INVS: variants seen among roughly 807,000 people sequenced by gnomAD.
The protein encoded by INVS is inversion of embryo turning homolog.
A neutral mutation model predicts 108.8 loss-of-function variants in INVS; 86 were observed. That is an observed-to-expected ratio of 0.79 (90% CI 0.66 to 0.95). The LOEUF is 0.95. INVS is among the 40% of genes least tolerant of loss of function. The probability of loss-of-function intolerance (pLI) is 0.00; values close to 1 mark genes in which losing one functional copy is unlikely to be tolerated. For missense variants in INVS, 1,169 were observed against 1,297.4 expected, an observed-to-expected ratio of 0.90 and a Z score of 1.52; for synonymous variants, 455 against 473.5, an observed-to-expected ratio of 0.96 and a Z score of 0.51.
intron 3 of INVS, among the ~76,000 whole-genome samples, chr9:100,182,729 C>T (rs1397301237): frequency 1.3e-5 from 2 of 152,122 alleles, no homozygotes; most frequent in Non-Finnish European, 2.9e-5. Flanking sequence ...GGCGATTCCT[C>T]AAGGATCTAG....
At chr9:100,133,764 TACACACACACACACACAC>T (rs147744972) in intron 3 of INVS, among the ~76,000 whole-genome samples, 40 of 123,920 alleles carry the variant, frequency 3.2e-4, no homozygotes, top group African/African-American at 1.1e-3. Flanking sequence ...CTGCCAAAGC[TACACACACACACACACAC>T]ACACACACAC....
chr9:100,228,139 C>T (rs1057264114), intron 4 of INVS, among the ~76,000 whole-genome samples: 17 of 151,924 alleles, frequency 1.1e-4, no homozygotes, highest in East Asian at 3.9e-4. Flanking sequence ...TACAGGCATG[C>T]GCCACCAGGC....
intron 3 of INVS, among the ~76,000 whole-genome samples, chr9:100,154,978 C>CA (rs202090229): frequency 0.014 from 2,076 of 152,138 alleles, 36 homozygotes; most frequent in African/African-American, 0.048. Flanking sequence ...TTTGGGAGGT[C>CA]AAGGTGGGCG....
intron 11 of INVS, among the ~76,000 whole-genome samples, chr9:100,269,831 A>T (rs904237874): frequency 1.2e-4 from 18 of 152,110 alleles, no homozygotes; most frequent in Non-Finnish European, 2.5e-4. Flanking sequence ...TCCTATGGAG[A>T]TAATATTTTT....
chr9:100,295,378 G>A (rs997650655), intron 14 of INVS, among the ~76,000 whole-genome samples: 2 of 152,132 alleles, frequency 1.3e-5, no homozygotes, highest in East Asian at 3.9e-4. Context: ...AGGACTTCTG[G>A]GATTGTTGCA....
chr9:100,200,185 T>G (rs943326620), intron 3 of INVS, among the ~76,000 whole-genome samples: 3 of 152,234 alleles, frequency 2.0e-5, no homozygotes, highest in Admixed American at 2.0e-4. Flanking sequence ...CTCATTTGTT[T>G]GGTAATTATG....
intron 14 of INVS, among the ~76,000 whole-genome samples, chr9:100,294,425 G>A (rs1482769217): frequency 1.3e-5 from 2 of 152,182 alleles, no homozygotes; most frequent in Admixed American, 6.5e-5. Flanking sequence ...TCTGGTTTGT[G>A]CTTGCACAGG....
chr9:100,289,630 G>A (rs1417120562), intron 13 of INVS, among the ~76,000 whole-genome samples: 1 of 152,214 alleles, frequency 6.6e-6, no homozygotes, highest in African/African-American at 2.4e-5. Flanking sequence ...GGTGGTGGCT[G>A]TTGGCTGTCT....
At chr9:100,199,194 C>T (rs867373580) in intron 3 of INVS, among the ~76,000 whole-genome samples, 1 of 152,008 alleles carries the variant, frequency 6.6e-6, no homozygotes, top group South Asian at 2.1e-4. Flanking sequence ...GTAGCCACTC[C>T]AACTTTCTTA....
intron 3 of INVS, among the ~76,000 whole-genome samples, chr9:100,146,032 T>A (rs1445287387): frequency 1.3e-5 from 2 of 152,182 alleles, no homozygotes; most frequent in East Asian, 3.9e-4. Context: ...CGTAGGTGGA[T>A]CTTTTTCACG....
intron 3 of INVS, among the ~76,000 whole-genome samples, chr9:100,148,460 G>A (rs1828699646): frequency 1.3e-5 from 2 of 152,166 alleles, no homozygotes; most frequent in Non-Finnish European, 2.9e-5. Flanking sequence ...ACTGGGAAAT[G>A]GCAGAAAATT....
chr9:100,226,976 G>A (rs1464670902), intron 4 of INVS, among the ~76,000 whole-genome samples: 2 of 152,310 alleles, frequency 1.3e-5, no homozygotes, highest in Middle Eastern at 3.4e-3. Flanking sequence ...TTTGGTATCA[G>A]CCTTCCTGGG....
intron 11 of INVS, among the ~76,000 whole-genome samples, chr9:100,272,014 A>G (rs1019698171): frequency 2.6e-5 from 4 of 151,926 alleles, no homozygotes; most frequent in African/African-American, 9.7e-5. Context: ...GACTACAGGT[A>G]TGTGCCACCA....
At chr9:100,199,312 CTTTT>C (rs928724771) in intron 3 of INVS, among the ~76,000 whole-genome samples, 2 of 152,014 alleles carry the variant, frequency 1.3e-5, no homozygotes, top group African/African-American at 4.8e-5. Flanking sequence ...TATAGACTTT[CTTTT>C]TTATCTAGTC....
intron 2 of INVS, among the ~76,000 whole-genome samples, chr9:100,111,842 G>A (rs1402156158): frequency 3.3e-5 from 5 of 152,156 alleles, no homozygotes; most frequent in African/African-American, 1.2e-4. Context: ...TCAGTTACTG[G>A]CCAGGAAGCC....
At chr9:100,099,901 C>A (rs1826765554) in intron 1 of INVS, among the ~76,000 whole-genome samples, 1 of 152,164 alleles carries the variant, frequency 6.6e-6, no homozygotes, top group Non-Finnish European at 1.5e-5. Context: ...GTGGTTCTCC[C>A]TGCTCCCGCC....
At chr9:100,251,150 ATTGTTTTGTTT>A (rs1227123756) in intron 8 of INVS, among the ~76,000 whole-genome samples, 5 of 152,150 alleles carry the variant, frequency 3.3e-5, no homozygotes, top group East Asian at 1.9e-4. Flanking sequence ...TTGATGGGGA[ATTGTTTTGTTT>A]TTGTTTTGTT....
At chr9:100,196,077 CT>C (rs889728010) in intron 3 of INVS, among the ~76,000 whole-genome samples, 10 of 152,062 alleles carry the variant, frequency 6.6e-5, no homozygotes, top group African/African-American at 2.2e-4. Flanking sequence ...TATTTCTTAA[CT>C]TTTTTGTAGA....
intron 3 of INVS, among the ~76,000 whole-genome samples, chr9:100,196,460 T>C (rs1375613014): frequency 6.6e-6 from 1 of 152,132 alleles, no homozygotes; most frequent in African/African-American, 2.4e-5. Flanking sequence ...CTTCGGAAAC[T>C]GTTTTTACTA....
Sources: gnomAD v4.1 joint callset for allele counts (sites outside exome capture counted in the v4.1 genomes callset) on GRCh38, gnomAD v4.1.1 for gene constraint, MANE v1.5 for transcripts, NCBI Gene and HGNC (gene_info 2026-07-23, HGNC 2026-07-21) for gene names.